The following SRGAP2 variants were observed in gnomAD, a reference collection of about 807,000 sequenced individuals.
SRGAP2 encodes the protein SLIT-ROBO Rho GTPase-activating protein 2.
Under a neutral mutation model 57.2 loss-of-function variants are expected in SRGAP2, and 15 were observed. The ratio of observed to expected loss-of-function variants is 0.26; its 90% CI spans 0.18 to 0.40. SRGAP2 has a LOEUF of 0.40. Among genes scored for constraint, SRGAP2 ranks in the 10% least tolerant of loss-of-function variants. SRGAP2 has a pLI of 1.00. For missense variants in SRGAP2, 520 were observed against 669.6 expected, an observed-to-expected ratio of 0.78 and a Z score of 2.47; for synonymous variants, 249 against 248.0, an observed-to-expected ratio of 1.00 and a Z score of -0.04.
At chr1:206,445,305 G>A (rs1662660732) in intron 17 of SRGAP2, among the ~76,000 whole-genome samples, 1 of 152,206 alleles carries the variant, frequency 6.6e-6, no homozygotes, top group Non-Finnish European at 1.5e-5. Flanking sequence ...GGTTGGAGGT[G>A]TGGCTGGAAC....
intron 13 of SRGAP2, among the ~76,000 whole-genome samples, chr1:206,427,435 G>A (rs1660895570): frequency 6.6e-6 from 1 of 152,310 alleles, no homozygotes; most frequent in African/African-American, 2.4e-5. Context: ...TCATGAAGAT[G>A]AGCATTTGGG....
intron 2 of SRGAP2, among the ~76,000 whole-genome samples, chr1:206,216,458 C>T (rs1433616005): frequency 1.3e-5 from 2 of 150,776 alleles, no homozygotes; most frequent in Admixed American, 6.6e-5. Flanking sequence ...TCTGTCTTGA[C>T]CTGGAGTTAA....
chr1:206,217,257 A>T (rs1440511099), intron 2 of SRGAP2, among the ~76,000 whole-genome samples: 23 of 152,080 alleles, frequency 1.5e-4, no homozygotes, highest in African/African-American at 5.3e-4. Context: ...TTGTCAGATG[A>T]GTAAGCTGCT....
At chr1:206,383,259 A>G (rs1553347607) in intron 4 of SRGAP2, among the ~76,000 whole-genome samples, 2 of 150,202 alleles carry the variant, frequency 1.3e-5, no homozygotes, top group African/African-American at 5.0e-5. Context: ...TCCTGACCTC[A>G]GCTGATCCAC....
At chr1:206,417,952 C>T (rs931362750) in intron 11 of SRGAP2, among the ~76,000 whole-genome samples, 2 of 151,370 alleles carry the variant, frequency 1.3e-5, no homozygotes, top group African/African-American at 4.9e-5. Context: ...TGGGGCCATA[C>T]AAATGCATTC....
At chr1:206,240,347 C>A (rs1383041780) in intron 2 of SRGAP2, among the ~76,000 whole-genome samples, 1 of 151,242 alleles carries the variant, frequency 6.6e-6, no homozygotes, top group African/African-American at 2.4e-5. Context: ...TTGGCCAACT[C>A]AGGAATTCTA....
intron 2 of SRGAP2, among the ~76,000 whole-genome samples, chr1:206,245,176 C>A (rs1370324355): frequency 7.3e-6 from 1 of 137,588 alleles, no homozygotes; most frequent in South Asian, 2.7e-4. Context: ...GCCCTGGAGA[C>A]CTGGCTTGGA....
intron 17 of SRGAP2, among the ~76,000 whole-genome samples, chr1:206,440,617 G>A (rs1662205771): frequency 6.6e-6 from 1 of 151,530 alleles, no homozygotes; most frequent in South Asian, 2.1e-4. Context: ...GAGCGATCTT[G>A]GCTTACTGCA....
chr1:206,430,177 A>G lies in SRGAP2; in HGVS notation c.1510A>G (p.Ile504Val), dbSNP rs782339976. The G allele has an allele frequency of 5.1e-6, 4 of 780,792 alleles. No homozygotes were observed. The highest frequency in any genetic ancestry group is 4.0e-5 in the South Asian group (3 of 74,618). The allele number at this position is 780,792 out of a possible 1,614,324, so 48.4% of individuals were successfully genotyped here. Residue 504 changes from isoleucine to valine, a missense_variant, in exon 14 of 23, where the codon ATT (isoleucine) becomes GTT (valine). Transcript: ENST00000573034. Reference protein sequence around the residue: ...TVRKQDSSQAIPLVVESCIRF... With the variant: ...TVRKQDSSQAVPLVVESCIRF... ...GGCTTTTCAGGACTCCAGCCAGGCA[A>G]TTCCTCTGGTGGTGGAAAGCTGTAT...
chr1:206,273,907 A>G (rs1670263416), intron 2 of SRGAP2, among the ~76,000 whole-genome samples: 1 of 149,214 alleles, frequency 6.7e-6, no homozygotes, highest in Admixed American at 6.6e-5. Flanking sequence ...AGCTTTGCAG[A>G]CTTCCCTTGT....
intron 11 of SRGAP2, among the ~76,000 whole-genome samples, chr1:206,417,660 T>C (rs1231857803): frequency 6.6e-6 from 1 of 152,058 alleles, no homozygotes; most frequent in Non-Finnish European, 1.5e-5. Flanking sequence ...CCTCAGGTGA[T>C]CTGCCGGCCT....
At chr1:206,433,091 T>C (rs549776751) in intron 14 of SRGAP2, among the ~76,000 whole-genome samples, 1 of 152,368 alleles carries the variant, frequency 6.6e-6, no homozygotes, top group South Asian at 2.1e-4. Context: ...TATATATAGA[T>C]ATTCTTTTGC....
At chr1:206,327,972 C>A (rs1284590528) in intron 3 of SRGAP2, among the ~76,000 whole-genome samples, 2 of 114,580 alleles carry the variant, frequency 1.7e-5, no homozygotes, top group East Asian at 5.5e-4. Flanking sequence ...CCCACCCCAC[C>A]ACAGTCCCCA....
intron 21 of SRGAP2, chr1:206,455,229 A>T (rs1271364165): frequency 4.9e-6 from 3 of 611,792 alleles, no homozygotes; most frequent in Non-Finnish European, 8.8e-6. Flanking sequence ...CCAGGTCTCC[A>T]GCTAGCTGCC....
Position 206,337,055 on chromosome 1 carries a change from C to T in SRGAP2, c.261-5791C>T, listed in dbSNP as rs528845611. 6.8e-3 allele frequency among the ~76,000 whole-genome samples: 973 copies of T among 142,940 alleles called. 58 individuals carry two copies. The highest frequency in any genetic ancestry group is 0.045 in the Middle Eastern group (13 of 288). The allele number at this position is 142,940 out of a possible 152,430, so 93.8% of individuals were successfully genotyped here. Reference sequence around the variant, plus strand: ...GCTTAGATGTATTGATAGTTGCCATCTCTCTATGCAGATTGGCGGGTTTGA... The same window carrying T: ...GCTTAGATGTATTGATAGTTGCCATTTCTCTATGCAGATTGGCGGGTTTGA... On this transcript the variant is annotated intron_variant, in intron 3 of 22. Coordinates refer to ENST00000573034, the MANE Select transcript of SRGAP2 (RefSeq NM_015326.5).
intron 3 of SRGAP2, among the ~76,000 whole-genome samples, chr1:206,332,619 C>T (rs2102879881): frequency 7.0e-6 from 1 of 142,818 alleles, no homozygotes; most frequent in South Asian, 2.1e-4. Context: ...GAGGCTTCTG[C>T]ATTCTTCACG....
chr1:206,454,556 C>T lies in SRGAP2; in HGVS notation c.2361-322C>T. The T allele has an allele frequency of 2.5e-6, 1 of 406,674 alleles. No homozygotes were observed. Among genetic ancestry groups the T allele is most frequent in the South Asian group, 4.2e-5 (1 of 23,664 alleles). 25.2% of individuals were successfully genotyped at this position (406,674 alleles called of 1,614,324 possible). A position where few individuals can be genotyped will look rare whatever the true frequency, so the allele number is the denominator to read the frequency against. On this transcript the variant is annotated intron_variant, in intron 20 of 22. Transcript: ENST00000573034. The surrounding 1 kb of genome is among the most constrained non-coding windows in gnomAD (Gnocchi z 4.3). ...ACTTGCCGCCTCCTTCTCCAGGAGG[C>T]CGCCCCAGCACGGCCTCCCCAGGAA...
intron 1 of SRGAP2, 114 bp downstream of exon 1, chr1:206,203,764 C>A (rs536070022): frequency 4.0e-6 from 6 of 1,483,376 alleles, no homozygotes; most frequent in Non-Finnish European, 5.4e-6. Context: ...CTCGCGGCAT[C>A]GCCTTAGCGG....
At chr1:206,383,528 G>A (rs1655906757) in intron 4 of SRGAP2, among the ~76,000 whole-genome samples, 1 of 152,170 alleles carries the variant, frequency 6.6e-6, no homozygotes, top group South Asian at 2.1e-4. Flanking sequence ...AATAAAGCAA[G>A]TAAGAAATAT....
Sources: allele counts gnomAD v4.1 joint callset (sites outside exome capture counted in the v4.1 genomes callset), GRCh38; gene constraint gnomAD v4.1.1; non-coding constraint Gnocchi (gnomAD v3.1); transcripts MANE v1.5; gene names NCBI Gene and HGNC (gene_info 2026-07-23, HGNC 2026-07-21).